The following PREX2 variants were observed in gnomAD, a reference collection of about 807,000 sequenced individuals.
PREX2 encodes phosphatidylinositol-3,4,5-trisphosphate dependent Rac exchange factor 2, also known as phosphatidylinositol 3,4,5-trisphosphate-dependent Rac exchanger 2 protein.
In PREX2, 107 loss-of-function variants were observed where a neutral mutation model predicts 203.2. The observed-to-expected ratio is 0.53, with a 90% CI of 0.45 to 0.62. The LOEUF (loss-of-function observed/expected upper bound fraction) is 0.62, where lower values mean the gene tolerates loss of function less well. PREX2 is among the 20% of genes least tolerant of loss of function. The probability of loss-of-function intolerance (pLI) is 0.00; values close to 1 mark genes in which losing one functional copy is unlikely to be tolerated. For missense variants in PREX2, 1,777 were observed against 1,955.9 expected (o/e 0.91, Z 1.72); for synonymous variants, 672 against 663.6 (o/e 1.01, Z -0.19).
chr8:68,045,238 T>G (rs10107339), intron 8 of PREX2, among the ~76,000 whole-genome samples: 24,736 of 151,888 alleles, frequency 0.16, 2,437 homozygotes, highest in South Asian at 0.21. Context: ...AAAAAAAAAG[T>G]TGTCTCTAAA....
chr8:68,088,698 A>T (rs1809775492), intron 19 of PREX2, among the ~76,000 whole-genome samples: 1 of 152,200 alleles, frequency 6.6e-6, no homozygotes, highest in Admixed American at 6.5e-5. Context: ...TTTCTAAAAC[A>T]TATAGATGGA....
At chr8:68,057,932 CTG>C (rs987692165) in intron 10 of PREX2, among the ~76,000 whole-genome samples, 7 of 152,226 alleles carry the variant, frequency 4.6e-5, no homozygotes, top group African/African-American at 1.7e-4. Flanking sequence ...TTCACTTACA[CTG>C]TGTCATATGG....
At chr8:67,976,644 C>CAG (rs1250603870) in intron 1 of PREX2, among the ~76,000 whole-genome samples, 2 of 46,572 alleles carry the variant, frequency 4.3e-5, no homozygotes, top group Admixed American at 3.5e-4. Context: ...GGGAGAGAGA[C>CAG]AGAGAGAGAG....
At chr8:68,179,468 C>T (rs528065070) in intron 35 of PREX2, among the ~76,000 whole-genome samples, 6 of 152,104 alleles carry the variant, frequency 3.9e-5, no homozygotes, top group South Asian at 4.2e-4. Flanking sequence ...GTTTGCTTTA[C>T]GCCCAGGTGA....
intron 39 of PREX2, among the ~76,000 whole-genome samples, chr8:68,230,086 A>G (rs1402073418): frequency 6.6e-6 from 1 of 152,080 alleles, no homozygotes; most frequent in East Asian, 1.9e-4. Context: ...CGTTTTGCAA[A>G]CCTCCAAAGT....
At chr8:67,975,694 CTTTTTTTTTTTT>C (rs67614434) in intron 1 of PREX2, among the ~76,000 whole-genome samples, 7 of 75,014 alleles carry the variant, frequency 9.3e-5, no homozygotes, top group Admixed American at 1.9e-4. Context: ...ATTTCTCTTT[CTTTTTTTTTTTT>C]TTTTTTTTTT....
At chr8:68,209,935 C>T (rs1410724289) in intron 37 of PREX2, among the ~76,000 whole-genome samples, 2 of 152,110 alleles carry the variant, frequency 1.3e-5, no homozygotes, top group African/African-American at 4.8e-5. Context: ...ACAGGAAATT[C>T]TTCTGCTAAT....
At chr8:68,004,572 G>A (rs1407698032) in intron 1 of PREX2, among the ~76,000 whole-genome samples, 3 of 152,206 alleles carry the variant, frequency 2.0e-5, no homozygotes, top group African/African-American at 7.2e-5. Context: ...AAAGGACCAT[G>A]TCAAATGATA....
At chr8:68,198,702 G>T (rs767663834) in intron 37 of PREX2, among the ~76,000 whole-genome samples, 1 of 152,150 alleles carries the variant, frequency 6.6e-6, no homozygotes. Context: ...TAGCCAGTAG[G>T]AACAAGTGAG....
chr8:68,048,697 T>C (rs1032033584), intron 8 of PREX2, among the ~76,000 whole-genome samples: 13 of 152,072 alleles, frequency 8.5e-5, no homozygotes, highest in African/African-American at 3.1e-4. Flanking sequence ...TAAGACTATA[T>C]AAAAACTATT....
chr8:68,047,147 T>C (rs1808375994), intron 8 of PREX2, among the ~76,000 whole-genome samples: 1 of 151,946 alleles, frequency 6.6e-6, no homozygotes, highest in Admixed American at 6.6e-5. Context: ...AGGTTGGGTT[T>C]GGTTGCACCC....
intron 11 of PREX2, among the ~76,000 whole-genome samples, chr8:68,064,253 G>A (rs1302328821): frequency 1.3e-5 from 2 of 152,260 alleles, no homozygotes; most frequent in South Asian, 2.1e-4. Context: ...GCTCCTGAGA[G>A]CTGATAATTA....
chr8:68,212,407 A>G (rs1812757185), intron 37 of PREX2, among the ~76,000 whole-genome samples: 1 of 152,134 alleles, frequency 6.6e-6, no homozygotes, highest in Admixed American at 6.5e-5. Context: ...GGCTTTGTTC[A>G]CTGTTGCATC....
chr8:68,047,885 G>A (rs997477724), intron 8 of PREX2, among the ~76,000 whole-genome samples: 30 of 151,826 alleles, frequency 2.0e-4, no homozygotes, highest in African/African-American at 6.8e-4. Flanking sequence ...AAAGTTTTCA[G>A]CCAACATGTA....
chr8:68,176,536 C>G (rs887535787), intron 35 of PREX2, among the ~76,000 whole-genome samples: 6 of 152,168 alleles, frequency 3.9e-5, no homozygotes, highest in Non-Finnish European at 8.8e-5. Flanking sequence ...TTGCCCCCAA[C>G]AGGCTTGATA....
At chr8:68,044,751 G>A (rs1400248048) in intron 8 of PREX2, among the ~76,000 whole-genome samples, 161 bp downstream of exon 8, 1 of 152,072 alleles carries the variant, frequency 6.6e-6, no homozygotes. Context: ...GGTGAGATAA[G>A]GGAGGGGAGG....
intron 1 of PREX2, among the ~76,000 whole-genome samples, chr8:68,005,948 A>C (rs2129609861): frequency 6.6e-6 from 1 of 152,348 alleles, no homozygotes; most frequent in South Asian, 2.1e-4. Context: ...ACAAGAGGTA[A>C]AAATATACAG....
Position 68,235,861 on chromosome 8 carries a change from G to A in PREX2, c.*4483G>A, listed in dbSNP as rs1057366262. On this transcript the variant is annotated 3_prime_UTR_variant, in exon 40 of 40. Coordinates refer to ENST00000288368, the MANE Select transcript of PREX2 (RefSeq NM_024870.4). The stretch of plus-strand genomic sequence containing the variant: ...CATACATGGAAGACTGTTAAAGTGT[G>A]GTCTGTGCATCATTGAGCAATTGTT... 2 of 152,064 alleles carry A rather than the reference G, an allele frequency of 1.3e-5. No homozygotes were observed. Among genetic ancestry groups the A allele is most frequent in the Admixed American group, 6.6e-5 (1 of 15,232 alleles). 9.4% of individuals were successfully genotyped at this position (152,064 alleles called of 1,614,324 possible).
In PREX2 at chr8:68,172,266, A is replaced by G. The variant is rs550247988; in HGVS notation, c.4346+14830A>G. Among the ~76,000 whole-genome samples, 5 of 152,324 alleles carry G rather than the reference A, an allele frequency of 3.3e-5. No homozygotes were observed. The South Asian group carries it at 1.0e-3, about 32-fold the overall frequency. On this transcript the variant is annotated intron_variant, in intron 35 of 39. Coordinates refer to ENST00000288368, the MANE Select transcript of PREX2 (RefSeq NM_024870.4). ...TTGTGGATGTCTTTCCTACACATGA[A>G]ATTTATGAAAGATCTACCATTTACA...
Sources: allele counts gnomAD v4.1 joint callset (sites outside exome capture counted in the v4.1 genomes callset), GRCh38; gene constraint gnomAD v4.1.1; transcripts MANE v1.5; gene names NCBI Gene and HGNC (gene_info 2026-07-23, HGNC 2026-07-21).